The following KCNK9 variants were observed in gnomAD, a reference collection of about 807,000 sequenced individuals.
KCNK9 encodes the protein potassium two pore domain channel subfamily K member 9, also known as potassium channel subfamily K member 9.
Under a neutral mutation model 10.8 loss-of-function variants are expected in KCNK9, and 1 was observed. That is an observed-to-expected ratio of 0.09 (90% CI 0.03 to 0.44). The LOEUF is 0.44. KCNK9 is among the 20% of genes least tolerant of loss of function. The pLI, the probability that KCNK9 is intolerant of heterozygous loss-of-function variation, is 0.97. For synonymous variants in KCNK9, 231 were observed against 222.7 expected (o/e 1.04, Z -0.33); for missense variants, 303 against 515.0 (o/e 0.59, Z 3.98).
intron 1 of KCNK9, among the ~76,000 whole-genome samples, chr8:139,691,228 C>T (rs1410355679): frequency 6.6e-6 from 1 of 152,180 alleles, no homozygotes; most frequent in East Asian, 1.9e-4. Flanking sequence ...CATGCGTCCA[C>T]AAGTGTCCTG....
At chr8:139,684,927 A>T (rs1006739662) in intron 1 of KCNK9, among the ~76,000 whole-genome samples, 2 of 152,252 alleles carry the variant, frequency 1.3e-5, no homozygotes, top group Admixed American at 1.3e-4. Context: ...GACAGAGCAC[A>T]TGATCCATTT....
chr8:139,659,442 G>A (rs1306869272), intron 1 of KCNK9, among the ~76,000 whole-genome samples: 3 of 151,776 alleles, frequency 2.0e-5, no homozygotes, highest in South Asian at 2.1e-4. Context: ...AGCAGCAGGT[G>A]TTAGACCCCT....
At chr8:139,663,892 G>A (rs920687592) in intron 1 of KCNK9, among the ~76,000 whole-genome samples, 1 of 152,116 alleles carries the variant, frequency 6.6e-6, no homozygotes, top group African/African-American at 2.4e-5. Context: ...CGGATAAGTG[G>A]AACAAGCTCT....
intron 1 of KCNK9, among the ~76,000 whole-genome samples, chr8:139,697,412 T>C (rs1817089013): frequency 6.8e-6 from 1 of 147,874 alleles, no homozygotes; most frequent in Non-Finnish European, 1.5e-5. Context: ...GGAGGATGGA[T>C]GGGGATAGAC....
intron 1 of KCNK9, among the ~76,000 whole-genome samples, chr8:139,675,034 G>C (rs1183789544): frequency 6.6e-6 from 1 of 152,236 alleles, no homozygotes; most frequent in Non-Finnish European, 1.5e-5. Context: ...AGCCACAATG[G>C]ATTCAATCCT....
chr8:139,695,912 G>A (rs1006641190), intron 1 of KCNK9, among the ~76,000 whole-genome samples: 3 of 152,136 alleles, frequency 2.0e-5, no homozygotes, highest in African/African-American at 4.8e-5. Flanking sequence ...AACCCTCTGG[G>A]GCCAGCTCCC....
At chr8:139,622,630 C>T (rs937048827) in intron 1 of KCNK9, among the ~76,000 whole-genome samples, 11 of 152,316 alleles carry the variant, frequency 7.2e-5, no homozygotes, top group South Asian at 2.1e-4. Context: ...AACCTGCCTA[C>T]GTGTTCGAGA....
At chr8:139,605,407 G>A (rs544793646) in intron 2 of KCNK9, among the ~76,000 whole-genome samples, 1 of 152,310 alleles carries the variant, frequency 6.6e-6, no homozygotes, top group African/African-American at 2.4e-5. Flanking sequence ...AAAAAGGATA[G>A]TTTTGTATTT....
At chr8:139,689,926 C>CGGTG (rs1816902036) in intron 1 of KCNK9, among the ~76,000 whole-genome samples, 2 of 152,280 alleles carry the variant, frequency 1.3e-5, no homozygotes, top group South Asian at 4.1e-4. Context: ...CAGGTGTGAG[C>CGGTG]CACCACGCCC....
chr8:139,683,638 C>A (rs1457401072), intron 1 of KCNK9, among the ~76,000 whole-genome samples: 2 of 152,154 alleles, frequency 1.3e-5, no homozygotes. Context: ...CAGGTCACAT[C>A]CAGGACACGT....
chr8:139,689,665 C>T (rs1442011048), intron 1 of KCNK9, among the ~76,000 whole-genome samples: 4 of 132,522 alleles, frequency 3.0e-5, no homozygotes, highest in East Asian at 2.1e-4. Context: ...TTTTTTGAGA[C>T]GGAGTCTCAC....
chr8:139,669,225 G>A lies in KCNK9; in HGVS notation c.283+33485C>T, dbSNP rs187772902. Among the ~76,000 whole-genome samples, 227 of 152,306 alleles carry A rather than the reference G, an allele frequency of 1.5e-3. 1 individual carries two copies. The highest frequency in any genetic ancestry group is 5.3e-3 in the African/African-American group (219 of 41,562). On this transcript the variant is annotated intron_variant, in intron 1 of 1. Transcript: ENST00000520439. ...TGGCTGCTGATTGATTAGGGTGGTG[G>A]TTGCTAAAGGCTGGGGTGGCTGTTG...
chr8:139,657,496 T>G (rs1343762198), intron 1 of KCNK9, among the ~76,000 whole-genome samples: 1 of 152,090 alleles, frequency 6.6e-6, no homozygotes, highest in African/African-American at 2.4e-5. Context: ...CCTCTCTGCC[T>G]GTGGAGCTTC....
At chr8:139,614,078 G>A (rs1172454180), downstream of KCNK9, among the ~76,000 whole-genome samples, 1 of 152,116 alleles carries the variant, frequency 6.6e-6, no homozygotes, top group African/African-American at 2.4e-5. Flanking sequence ...TCCCTCTCCT[G>A]GCCAATGTGC....
At chr8:139,676,955 A>G (rs1816563240) in intron 1 of KCNK9, among the ~76,000 whole-genome samples, 1 of 151,922 alleles carries the variant, frequency 6.6e-6, no homozygotes, top group African/African-American at 2.4e-5. Context: ...GTCTCAAAAA[A>G]CAAACAAACA....
At position 139,621,391 on chromosome 8, in the gene KCNK9, C is replaced by A. The variant is rs549762798; in HGVS notation, c.284-2292G>T. On this transcript the variant is annotated intron_variant, in intron 1 of 1. Coordinates refer to ENST00000520439, the MANE Select transcript of KCNK9 (RefSeq NM_001282534.2). ...CAGGACAAATACAAAGAAAACCACACGCCAGAGTCAAGCTGCTTAAAGTCA... is the reference window on the plus strand; with the variant it reads ...CAGGACAAATACAAAGAAAACCACAAGCCAGAGTCAAGCTGCTTAAAGTCA... Among the ~76,000 whole-genome samples the A allele has an allele frequency of 2.6e-5, 4 of 151,828 alleles. No homozygotes were observed. The South Asian group carries it at 8.3e-4, about 32-fold the overall frequency.
At chr8:139,665,319 C>T (rs928590279) in intron 1 of KCNK9, among the ~76,000 whole-genome samples, 7 of 152,080 alleles carry the variant, frequency 4.6e-5, no homozygotes, top group Non-Finnish European at 1.0e-4. Flanking sequence ...CTGTAGTCCT[C>T]ACATCACACC....
chr8:139,658,822 T>C (rs868861494), intron 1 of KCNK9, among the ~76,000 whole-genome samples: 12 of 152,390 alleles, frequency 7.9e-5, no homozygotes, highest in South Asian at 2.1e-4. Flanking sequence ...GGCTGTTCCC[T>C]GCCCATGTCC....
At chr8:139,645,232 C>T (rs1162729453) in intron 1 of KCNK9, among the ~76,000 whole-genome samples, 1 of 152,220 alleles carries the variant, frequency 6.6e-6, no homozygotes, top group African/African-American at 2.4e-5. Flanking sequence ...ACCTCATCAT[C>T]TCGGGGCCCC....
Sources: gnomAD v4.1 joint callset for allele counts (sites outside exome capture counted in the v4.1 genomes callset) on GRCh38, gnomAD v4.1.1 for gene constraint, MANE v1.5 for transcripts, NCBI Gene and HGNC (gene_info 2026-07-23, HGNC 2026-07-21) for gene names.